The following PPARGC1A variants were observed in gnomAD, a reference collection of about 807,000 sequenced individuals.
PPARGC1A encodes the protein peroxisome proliferator-activated receptor gamma coactivator 1-alpha.
Under a neutral mutation model 88.7 loss-of-function variants are expected in PPARGC1A, and 25 were observed. The observed-to-expected ratio is 0.28, with a 90% CI of 0.21 to 0.39. The LOEUF is 0.39. Among genes scored for constraint, PPARGC1A ranks in the 10% least tolerant of loss-of-function variants. PPARGC1A has a pLI of 1.00. For synonymous variants in PPARGC1A, 363 were observed against 355.6 expected (o/e 1.02, Z -0.24); for missense variants, 880 against 968.7 (o/e 0.91, Z 1.22).
intron 2 of PPARGC1A, among the ~76,000 whole-genome samples, chr4:23,871,872 C>T (rs58909682): frequency 6.6e-6 from 1 of 151,990 alleles, no homozygotes. Flanking sequence ...GATTTAAGCT[C>T]GAGTATTATA....
chr4:23,849,357 A>T (rs1728867682), intron 2 of PPARGC1A, among the ~76,000 whole-genome samples: 1 of 152,226 alleles, frequency 6.6e-6, no homozygotes, highest in Admixed American at 6.5e-5. Context: ...TGTGAACTTA[A>T]TCTGTTACCT....
At chr4:24,385,697 A>G in the PPARGC1A span, among the ~76,000 whole-genome samples, 1 of 152,176 alleles carries the variant, frequency 6.6e-6, no homozygotes, top group Non-Finnish European at 1.5e-5. Flanking sequence ...ACCAGGAAGA[A>G]GCCGAATCCC....
At chr4:24,300,068 A>G in the PPARGC1A span, among the ~76,000 whole-genome samples, 1 of 152,112 alleles carries the variant, frequency 6.6e-6, no homozygotes, top group Non-Finnish European at 1.5e-5. Context: ...GGCTTTCTTA[A>G]AGGTCAGGTC....
At chr4:24,085,556 G>T in the PPARGC1A span, among the ~76,000 whole-genome samples, 2 of 152,168 alleles carry the variant, frequency 1.3e-5, no homozygotes, top group Admixed American at 6.5e-5. Context: ...ACCTTACCAT[G>T]TACTGCCTCT....
chr4:24,130,636 C>T, the PPARGC1A span, among the ~76,000 whole-genome samples: 7 of 152,108 alleles, frequency 4.6e-5, no homozygotes, highest in South Asian at 6.2e-4. Flanking sequence ...TCCTAGAAAC[C>T]GCCCCACCAA....
At chr4:24,059,721 C>T in the PPARGC1A span, among the ~76,000 whole-genome samples, 7 of 152,328 alleles carry the variant, frequency 4.6e-5, no homozygotes, top group Admixed American at 2.0e-4. Flanking sequence ...CAACCACATT[C>T]GCAATTCTGG....
chr4:24,192,747 A>C, the PPARGC1A span, among the ~76,000 whole-genome samples: 9 of 152,228 alleles, frequency 5.9e-5, no homozygotes, highest in Non-Finnish European at 1.3e-4. Flanking sequence ...AAGAGTAATC[A>C]GTGAGGGAAA....
At chr4:24,459,616 C>T in the PPARGC1A span, among the ~76,000 whole-genome samples, 1 of 152,090 alleles carries the variant, frequency 6.6e-6, no homozygotes, top group African/African-American at 2.4e-5. Flanking sequence ...ATGGTGAAAC[C>T]CTGCCTCTAC....
At chr4:23,870,132 A>G (rs1329398707) in intron 2 of PPARGC1A, among the ~76,000 whole-genome samples, 1 of 152,186 alleles carries the variant, frequency 6.6e-6, no homozygotes, top group East Asian at 1.9e-4. Flanking sequence ...ATCTAAAACT[A>G]CGTGTTTGTG....
the PPARGC1A span, among the ~76,000 whole-genome samples, chr4:24,112,817 C>T: frequency 1.3e-5 from 2 of 152,238 alleles, no homozygotes; most frequent in East Asian, 1.9e-4. Context: ...GGCAAAAGAA[C>T]GTCGAGACCC....
the PPARGC1A span, among the ~76,000 whole-genome samples, chr4:23,972,821 T>A: frequency 2.6e-5 from 4 of 152,278 alleles, no homozygotes; most frequent in African/African-American, 9.6e-5. Flanking sequence ...GGTAAGATAT[T>A]AACATTATTC....
At chr4:24,169,835 T>C in the PPARGC1A span, among the ~76,000 whole-genome samples, 1 of 151,910 alleles carries the variant, frequency 6.6e-6, no homozygotes, top group Non-Finnish European at 1.5e-5. Context: ...ACACTCTGTC[T>C]CAAAAAACAA....
the PPARGC1A span, among the ~76,000 whole-genome samples, chr4:24,075,516 C>T: frequency 9.9e-5 from 15 of 152,228 alleles, no homozygotes; most frequent in Admixed American, 6.5e-4. Context: ...CTGTGAAATA[C>T]GATGATATGG....
At chr4:24,125,954 T>C in the PPARGC1A span, among the ~76,000 whole-genome samples, 1 of 152,216 alleles carries the variant, frequency 6.6e-6, no homozygotes, top group Non-Finnish European at 1.5e-5. Context: ...GCTCAAAGTG[T>C]AATTTTCTTA....
the PPARGC1A span, among the ~76,000 whole-genome samples, chr4:24,311,880 G>A: frequency 7.2e-5 from 11 of 152,112 alleles, no homozygotes; most frequent in Non-Finnish European, 1.5e-4. Context: ...CAGATATCAG[G>A]ATGAAATCAT....
chr4:24,300,324 A>ATTTTTTTTTTTTTTTTTTTTTTTTTTTTT, the PPARGC1A span, among the ~76,000 whole-genome samples: 4 of 44,998 alleles, frequency 8.9e-5, 2 homozygotes, highest in Non-Finnish European at 1.8e-4. Context: ...ATACAATAGC[A>ATTTTTTTTTTTTTTTTTTTTTTTTTTTTT]TTTTTTTTTT....
chr4:24,207,956 A>G, the PPARGC1A span, among the ~76,000 whole-genome samples: 360 of 152,294 alleles, frequency 2.4e-3, 2 homozygotes, highest in African/African-American at 8.1e-3. Flanking sequence ...TAAAATTTTG[A>G]AGAATTCCCA....
chr4:24,464,891 G>A, the PPARGC1A span, among the ~76,000 whole-genome samples: 175 of 152,222 alleles, frequency 1.1e-3, no homozygotes, highest in African/African-American at 4.1e-3. Context: ...TCTGGTCAAG[G>A]TGAGCCTCCC....
At chr4:24,452,719 GATAA>G in the PPARGC1A span, among the ~76,000 whole-genome samples, 1 of 152,160 alleles carries the variant, frequency 6.6e-6, no homozygotes, top group Non-Finnish European at 1.5e-5. Context: ...GAAACACAAG[GATAA>G]ATAAATATGC....
Sources: gnomAD v4.1 joint callset for allele counts (sites outside exome capture counted in the v4.1 genomes callset) on GRCh38, gnomAD v4.1.1 for gene constraint, MANE v1.5 for transcripts, NCBI Gene and HGNC (gene_info 2026-07-23, HGNC 2026-07-21) for gene names.